BTBD7: variants seen among roughly 807,000 people sequenced by gnomAD.
The protein encoded by BTBD7 is BTB domain containing 7, also known as BTB/POZ domain-containing protein 7.
BTBD7 carries 38 observed loss-of-function variants against 99.9 expected under a neutral mutation model. That is an observed-to-expected ratio of 0.38 (90% CI 0.29 to 0.50). The LOEUF (loss-of-function observed/expected upper bound fraction) is 0.50, where lower values mean the gene tolerates loss of function less well. Among genes scored for constraint, BTBD7 ranks in the 20% least tolerant of loss-of-function variants. BTBD7 has a pLI of 0.93. For missense variants in BTBD7, 1,170 were observed against 1,394.6 expected (o/e 0.84, Z 2.57); for synonymous variants, 520 against 511.4 (o/e 1.02, Z -0.23).
intron 5 of BTBD7, among the ~76,000 whole-genome samples, chr14:93,260,948 T>C (rs2052482788): frequency 6.6e-6 from 1 of 152,058 alleles, no homozygotes; most frequent in Non-Finnish European, 1.5e-5. Context: ...TGGAGTGCAA[T>C]AGTGCAATCT....
At chr14:93,325,492 G>A (rs1182870462) in intron 1 of BTBD7, among the ~76,000 whole-genome samples, 1 of 152,132 alleles carries the variant, frequency 6.6e-6, no homozygotes, top group Non-Finnish European at 1.5e-5. Context: ...AGGTACAGTG[G>A]GAGAACAAGT....
chr14:93,287,004 G>C (rs916015284), intron 3 of BTBD7, among the ~76,000 whole-genome samples: 23 of 152,066 alleles, frequency 1.5e-4, no homozygotes, highest in Non-Finnish European at 2.8e-4. Context: ...GAGGCGGGTG[G>C]ATCACCTGAG....
chr14:93,253,804 T>A lies in BTBD7; in HGVS notation c.1609-14A>T, dbSNP rs750991058. The A allele has an allele frequency of 1.3e-6, 2 of 1,542,864 alleles. No homozygotes were observed. Among genetic ancestry groups the A allele is most frequent in the Non-Finnish European group, 1.8e-6 (2 of 1,139,574 alleles). On this transcript the variant is annotated splice_polypyrimidine_tract_variant and intron_variant, in intron 6 of 10. Transcript: ENST00000334746. ...GCCTCTTTTCATCTAAAAAAAAATT[T>A]TTTTTTTAGATAGAAATCTGTGTAG...
In BTBD7 at chr14:93,242,444, A is replaced by C. The variant is rs754402000; in HGVS notation, c.3228T>G (p.Ser1076=). The part of the protein sequence containing the change: ...FGLTPNRPSL[S]ACSSEAPEER... ...CTTCGGGAGCTTCAGAGCTACATGCAGAAAGTGAAGGTCTGTTAGGAGTCA... is the reference window on the plus strand; with the variant it reads ...CTTCGGGAGCTTCAGAGCTACATGCCGAAAGTGAAGGTCTGTTAGGAGTCA... The change falls in exon 11 of 11, where the codon TCT becomes TCG. Residue 1076 remains serine, a synonymous_variant. Transcript: ENST00000334746. 2 of 1,614,238 alleles carry C rather than the reference A, an allele frequency of 1.2e-6. No homozygotes were observed. The highest frequency in any genetic ancestry group is 2.2e-5 in the South Asian group (2 of 91,078).
intron 1 of BTBD7, among the ~76,000 whole-genome samples, chr14:93,319,105 G>T (rs66655074): frequency 0.12 from 18,388 of 152,180 alleles, 1,421 homozygotes; most frequent in African/African-American, 0.22. Context: ...TACTCCGGAG[G>T]CTGAGATGAG....
intron 5 of BTBD7, among the ~76,000 whole-genome samples, chr14:93,260,150 A>G (rs1377593380): frequency 1.3e-5 from 2 of 152,322 alleles, no homozygotes; most frequent in South Asian, 2.1e-4. Flanking sequence ...GCTTAAAGGC[A>G]GGTTTAGCAC....
intron 1 of BTBD7, among the ~76,000 whole-genome samples, chr14:93,300,583 T>C (rs1448978046): frequency 6.6e-6 from 1 of 151,382 alleles, no homozygotes; most frequent in African/African-American, 2.4e-5. Flanking sequence ...GGTCTTTCTA[T>C]GCTGCCCAGC....
At chr14:93,262,604 AACT>A (rs1216969262) in intron 4 of BTBD7, among the ~76,000 whole-genome samples, 15 of 152,166 alleles carry the variant, frequency 9.9e-5, no homozygotes, top group Non-Finnish European at 1.6e-4. Context: ...TAGGCAGAGT[AACT>A]ACTCTCTCCT....
intron 5 of BTBD7, among the ~76,000 whole-genome samples, chr14:93,259,554 A>C (rs900775430): frequency 1.3e-5 from 2 of 152,214 alleles, no homozygotes; most frequent in African/African-American, 4.8e-5. Context: ...ACCAGTATTG[A>C]TTTTGGGGTT....
intron 1 of BTBD7, among the ~76,000 whole-genome samples, chr14:93,315,503 C>G (rs2053190170): frequency 6.6e-6 from 1 of 152,216 alleles, no homozygotes; most frequent in Non-Finnish European, 1.5e-5. Context: ...TCTGTGCAGC[C>G]ATCAGTGGTT....
intron 3 of BTBD7, chr14:93,287,683 G>A (rs961144125): frequency 5.3e-5 from 8 of 151,982 alleles, no homozygotes; most frequent in African/African-American, 1.9e-4. Context: ...GATTTCTTCC[G>A]AGACACCTCT....
chr14:93,263,718 T>TA, intron 4 of BTBD7, 67 bp downstream of exon 4: 1 of 1,437,450 alleles, frequency 7.0e-7, no homozygotes. Flanking sequence ...GGAAGAGTAA[T>TA]AGAGCATAGA....
Position 93,242,365 on chromosome 14 carries a change from T to C in BTBD7, c.3307A>G (p.Arg1103Gly). Residue 1103 changes from arginine to glycine, a missense_variant, in exon 11 of 11, where the codon AGA becomes GGA. By Grantham distance (125) the Arg-to-Gly change is moderately radical (BLOSUM62 -2). Around this residue, in one of 4 missense-constraint regions of BTBD7, gnomAD observed 495 missense variants for 525.9 expected, o/e 0.94. Coordinates refer to ENST00000334746, the MANE Select transcript of BTBD7 (RefSeq NM_001002860.4). ...TCTTCCCTTTCCAAATCTGTATTTC[T>C]CTGAGCTCCATGGCCCAGGGACTCA... The part of the protein sequence containing the change: ...DSESLGHGAQ[R>G]NTDLEREDSI... 1 of 1,614,230 alleles carries C rather than the reference T, an allele frequency of 6.2e-7. No homozygotes were observed. The highest frequency in any genetic ancestry group is 8.5e-7 in the Non-Finnish European group (1 of 1,180,046).
Position 93,294,478 on chromosome 14 carries a change from A to G in BTBD7, c.542T>C (p.Ile181Thr), listed in dbSNP as rs1239476819. 1 of 1,614,182 alleles carries G rather than the reference A, an allele frequency of 6.2e-7. No homozygotes were observed. Among genetic ancestry groups the G allele is most frequent in the Admixed American group, 1.7e-5 (1 of 60,014 alleles). ...ACCAGCTGTATTGATGTCCATTATTATCTCTGCCCCATACTCTGGTGAGGA... is the reference window on the plus strand; with the variant it reads ...ACCAGCTGTATTGATGTCCATTATTGTCTCTGCCCCATACTCTGGTGAGGA... Reference protein sequence around the residue: ...LSSSPEYGAEIIMDINTAGID... With the variant: ...LSSSPEYGAETIMDINTAGID... Residue 181 changes from isoleucine to threonine, a missense_variant, in exon 3 of 11, where the codon ATA becomes ACA. By Grantham distance (89) the Ile-to-Thr change is moderately conservative. Transcript: ENST00000334746.
At chr14:93,332,701 C>T in intron 1 of BTBD7, 119 bp downstream of exon 1, 2 of 1,309,896 alleles carry the variant, frequency 1.5e-6, no homozygotes, top group Non-Finnish European at 1.9e-6. Context: ...CCCGCGGCGG[C>T]TTGGCCCCAG....
At chr14:93,308,246 C>T (rs911378331) in intron 1 of BTBD7, among the ~76,000 whole-genome samples, 1 of 147,372 alleles carries the variant, frequency 6.8e-6, no homozygotes, top group Non-Finnish European at 1.5e-5. Context: ...GAGATCGCAC[C>T]ACTGCACTCC....
intron 9 of BTBD7, among the ~76,000 whole-genome samples, chr14:93,248,148 T>C (rs1157400049): frequency 6.6e-6 from 1 of 152,162 alleles, no homozygotes; most frequent in East Asian, 1.9e-4. Flanking sequence ...TGCTGTACAA[T>C]AGCACTCTGG....
At chr14:93,277,557 T>A (rs1323137510) in intron 3 of BTBD7, among the ~76,000 whole-genome samples, 1 of 152,198 alleles carries the variant, frequency 6.6e-6, no homozygotes, top group Admixed American at 6.5e-5. Context: ...TCTTTAGCTG[T>A]GTGATGTGTG....
intron 1 of BTBD7, among the ~76,000 whole-genome samples, chr14:93,302,356 G>A (rs1566857968): frequency 6.6e-6 from 1 of 152,056 alleles, no homozygotes; most frequent in South Asian, 2.1e-4. Context: ...TGCTAGTGGG[G>A]GTGAGCTGAA....
Sources: gnomAD v4.1 joint callset for allele counts (sites outside exome capture counted in the v4.1 genomes callset) on GRCh38, gnomAD v4.1.1 for gene constraint, gnomAD v4.1.1 regional missense constraint, MANE v1.5 for transcripts, NCBI Gene and HGNC (gene_info 2026-07-23, HGNC 2026-07-21) for gene names.